Variants in TBATA observed in about 807,000 individuals in gnomAD.
TBATA encodes the protein protein TBATA.
In TBATA, 47 loss-of-function variants were observed where a neutral mutation model predicts 38.7. That is an observed-to-expected ratio of 1.21 (90% CI 0.96 to 1.55). The LOEUF (loss-of-function observed/expected upper bound fraction) is 1.55. Ranked by LOEUF, TBATA falls within the 40% of genes most tolerant of loss-of-function variation. TBATA has a pLI of 0.00. For synonymous variants in TBATA, 183 were observed against 170.5 expected (o/e 1.07, Z -0.57); for missense variants, 436 against 435.6 (o/e 1.00, Z -0.01).
intron 8 of TBATA, 44 bp from the exon 9 acceptor site, chr10:70,774,401 C>G: frequency 6.5e-7 from 1 of 1,535,104 alleles, no homozygotes. Context: ...CCCCAGCCCC[C>G]TTCCTGTCCC....
At chr10:70,771,487 G>A in intron 10 of TBATA, 26 bp from the exon 11 acceptor site, 1 of 1,608,966 alleles carries the variant, frequency 6.2e-7, no homozygotes, top group Non-Finnish European at 8.5e-7. Context: ...ACAGCAGGCA[G>A]GAGAGGACCG....
intron 2 of TBATA, among the ~76,000 whole-genome samples, chr10:70,783,823 A>G (rs1538677): frequency 0.49 from 73,987 of 152,046 alleles, 18,200 homozygotes; most frequent in African/African-American, 0.55. Flanking sequence ...TATAATCAGT[A>G]TGAGAAAACT....
rs757375999 is a variant in TBATA, at chr10:70,775,198, G to T, written c.766C>A (p.Pro256Thr). 4 of 1,613,912 alleles carry T rather than the reference G, an allele frequency of 2.5e-6. No individual in the cohort carries two copies. Among genetic ancestry groups the T allele is most frequent in the South Asian group, 1.1e-5 (1 of 91,064 alleles). ...SAIQFWLLYAPPKEKDLALGL... is the reference protein window; with the variant it reads ...SAIQFWLLYATPKEKDLALGL... ...GGGGCTGTGTCCTCACCCTTGGGCG[G>T]AGCGTAGAGCAGCCAGAACTGGATT... Residue 256 changes from proline (P) to threonine (T), a missense_variant, in exon 8 of 11, where the codon CCG (proline) becomes ACG (threonine). Transcript: ENST00000456372.
At chr10:70,784,008 G>A (rs1180647770) in intron 2 of TBATA, among the ~76,000 whole-genome samples, 1 of 152,198 alleles carries the variant, frequency 6.6e-6, no homozygotes, top group East Asian at 1.9e-4. Flanking sequence ...CTACTAAACA[G>A]TATAAATGTT....
At chr10:70,771,557 C>T (rs1842795570) in intron 10 of TBATA, 96 bp from the exon 11 acceptor site, 3 of 1,166,908 alleles carry the variant, frequency 2.6e-6, no homozygotes, top group Middle Eastern at 2.9e-4. Context: ...AGGGGAAGGT[C>T]TGAGTCAAGC....
chr10:70,773,663 G>A (rs1843016993), intron 9 of TBATA, among the ~76,000 whole-genome samples: 1 of 152,144 alleles, frequency 6.6e-6, no homozygotes, highest in Non-Finnish European at 1.5e-5. Flanking sequence ...TTTCCCATCT[G>A]TAAAATGGAG....
At chr10:70,777,854 T>C (rs1398040641) in intron 6 of TBATA, 1 of 449,770 alleles carries the variant, frequency 2.2e-6, no homozygotes, top group East Asian at 7.1e-5. Context: ...AGACTGGTAG[T>C]ATCCTTCCCC....
intron 7 of TBATA, 87 bp from the exon 8 acceptor site, chr10:70,775,357 C>A: frequency 8.2e-7 from 1 of 1,221,150 alleles, no homozygotes; most frequent in Non-Finnish European, 1.2e-6. Context: ...CAAGGAGACC[C>A]TTCCCCCAAA....
intron 7 of TBATA, 135 bp downstream of exon 7, chr10:70,777,018 A>G (rs1843490568): frequency 3.4e-6 from 3 of 887,188 alleles, no homozygotes; most frequent in Admixed American, 5.9e-5. Context: ...CCTGCTGCTG[A>G]CTCCACAGGG....
intron 2 of TBATA, among the ~76,000 whole-genome samples, chr10:70,784,160 C>T (rs568083044): frequency 8.5e-5 from 13 of 152,124 alleles, no homozygotes; most frequent in South Asian, 2.1e-4. Context: ...CATGAACATG[C>T]GATAAAACAG....
At chr10:70,782,301 G>T in intron 3 of TBATA, 2 of 1,484,098 alleles carry the variant, frequency 1.3e-6, no homozygotes, top group Non-Finnish European at 1.8e-6. Context: ...CAGCACCCCA[G>T]TTTTTTCCCA....
At chr10:70,782,773 T>C (rs527542544) in intron 3 of TBATA, 107 of 437,974 alleles carry the variant, frequency 2.4e-4, no homozygotes, top group African/African-American at 2.2e-3. Context: ...TCAGCAAAGG[T>C]GGGCCAGTCC....
At chr10:70,780,740 C>G (rs1200052983) in intron 4 of TBATA, among the ~76,000 whole-genome samples, 1 of 152,202 alleles carries the variant, frequency 6.6e-6, no homozygotes, top group Admixed American at 6.5e-5. Flanking sequence ...GCACATTTCC[C>G]TGCCTCAGTC....
intron 6 of TBATA, among the ~76,000 whole-genome samples, chr10:70,777,593 C>T (rs934129461): frequency 4.6e-5 from 7 of 152,294 alleles, no homozygotes; most frequent in African/African-American, 1.4e-4. Flanking sequence ...AGCTATCACG[C>T]TTAAACCAGC....
At chr10:70,785,208 CA>C (rs1844729741) in intron 1 of TBATA, 76 bp downstream of exon 1, 1 of 152,722 alleles carries the variant, frequency 6.5e-6, no homozygotes, top group South Asian at 2.1e-4. Flanking sequence ...AATCCAGCCA[CA>C]AAACTTCCCT....
At chr10:70,782,328 C>A (rs1272090514) in intron 3 of TBATA, 3 of 1,437,264 alleles carry the variant, frequency 2.1e-6, no homozygotes, top group East Asian at 3.2e-5. Flanking sequence ...ATATCTGAAA[C>A]CAGAAAGAGA....
intron 8 of TBATA, 99 bp from the exon 9 acceptor site, chr10:70,774,456 C>A (rs7078118): frequency 8.1e-7 from 1 of 1,241,826 alleles, no homozygotes; most frequent in South Asian, 1.5e-5. Context: ...GCAGCTTTCT[C>A]TAAGCATCCC....
In TBATA at chr10:70,772,589, G is replaced by A. The variant is rs761038602; in HGVS notation, c.921-23C>T. On this transcript the variant is annotated intron_variant, in intron 9 of 10. Transcript: ENST00000456372. The stretch of plus-strand genomic sequence containing the variant: ...TGACTGTGACCAAATACAAAGAAGG[G>A]GCTGGGAAGGTCATGCTGGAAACCT... 8 of 1,613,916 alleles carry A rather than the reference G, an allele frequency of 5.0e-6. No individual in the cohort carries two copies. In the South Asian group the frequency reaches 6.6e-5, roughly 13 times the overall value.
chr10:70,772,125 T>G (rs190579041), intron 10 of TBATA: 8 of 440,230 alleles, frequency 1.8e-5, no homozygotes, highest in African/African-American at 1.6e-4. Flanking sequence ...AGCTGTATCT[T>G]TCCTGCCGTT....
Sources: gnomAD v4.1 joint callset for allele counts (sites outside exome capture counted in the v4.1 genomes callset) on GRCh38, gnomAD v4.1.1 for gene constraint, MANE v1.5 for transcripts, NCBI Gene and HGNC (gene_info 2026-07-23, HGNC 2026-07-21) for gene names.